HTR2C: variants seen among roughly 807,000 people sequenced by gnomAD.
HTR2C encodes 5-hydroxytryptamine receptor 2C.
Under a neutral mutation model 21.0 loss-of-function variants are expected in HTR2C, and 5 were observed. That is an observed-to-expected ratio of 0.24 (90% CI 0.12 to 0.50). The LOEUF is 0.50. Among genes scored for constraint, HTR2C ranks in the 20% least tolerant of loss-of-function variants. The pLI is 0.98. For missense variants in HTR2C, 271 were observed against 371.2 expected (o/e 0.73, Z 2.22); for synonymous variants, 150 against 145.3 (o/e 1.03, Z -0.23).
chrX:114,855,839 A>G (rs1285665345), intron 5 of HTR2C, among the ~76,000 whole-genome samples: 1 of 80,772 alleles, frequency 1.2e-5, no homozygotes, highest in Non-Finnish European at 2.2e-5. Context: ...AATCAGGTCT[A>G]AGTTTTCTTT....
chrX:114,841,896 T>C (rs782763732), intron 4 of HTR2C, among the ~76,000 whole-genome samples: 22 of 112,343 alleles, frequency 2.0e-4, no homozygotes, highest in Non-Finnish European at 3.6e-4. Flanking sequence ...CTGCCACTTA[T>C]TAATCTTTAC....
At chrX:114,665,367 C>G (rs781823924) in intron 2 of HTR2C, among the ~76,000 whole-genome samples, 27 of 111,817 alleles carry the variant, frequency 2.4e-4, no homozygotes, top group Non-Finnish European at 4.1e-4. Context: ...GTAGCTAAAT[C>G]CAAAACAATG....
chrX:114,809,529 G>A (rs1017186734), intron 4 of HTR2C, among the ~76,000 whole-genome samples: 25 of 109,303 alleles, frequency 2.3e-4, no homozygotes, highest in Non-Finnish European at 3.6e-4. Context: ...GCTTACAGGC[G>A]CCCGCCACCA....
chrX:114,907,394 C>T lies in HTR2C; in HGVS notation c.1356C>T (p.Ser452=). The T allele has an allele frequency of 8.3e-7, 1 of 1,201,352 alleles. No homozygotes were observed. Among genetic ancestry groups the T allele is most frequent in the East Asian group, 3.0e-5 (1 of 33,757 alleles). ...ELPVNPSSVV[S]ERISSV is the part of the protein sequence containing the mutation. ...CAGTAAATCCCTCCAGTGTGGTTAG[C>T]GAAAGGATTAGCAGTGTGTGAGAAA... is the stretch of plus-strand genomic sequence containing the variant. Residue 452 remains serine (S), a synonymous_variant, in exon 6 of 6, where the codon AGC becomes AGT. Coordinates refer to ENST00000276198, the MANE Select transcript of HTR2C (RefSeq NM_000868.4).
At chrX:114,727,058 A>G in intron 3 of HTR2C, 87 bp downstream of exon 3, 1 of 527,884 alleles carries the variant, frequency 1.9e-6, no homozygotes, top group Non-Finnish European at 2.9e-6. Context: ...CTTCTATATG[A>G]TCAGCTATAT....
At chrX:114,663,969 T>G (rs1203927716) in intron 2 of HTR2C, among the ~76,000 whole-genome samples, 1 of 111,581 alleles carries the variant, frequency 9.0e-6, no homozygotes, top group African/African-American at 3.3e-5. Context: ...CTAAATAGTT[T>G]AGTTTGTGAA....
intron 1 of HTR2C, among the ~76,000 whole-genome samples, chrX:114,586,320 GAAAT>G (rs781804040): frequency 4.5e-5 from 5 of 111,949 alleles, no homozygotes; most frequent in African/African-American, 6.5e-5. Flanking sequence ...CAGGTGGGGG[GAAAT>G]AAATAATTTT....
At chrX:114,796,586 A>T (rs1356875727) in intron 4 of HTR2C, among the ~76,000 whole-genome samples, 1 of 111,815 alleles carries the variant, frequency 8.9e-6, no homozygotes. Context: ...CAGAGGAGGC[A>T]AACTGCATTT....
At chrX:114,775,000 TC>T in intron 4 of HTR2C, 1 of 490,208 alleles carries the variant, frequency 2.0e-6, no homozygotes, top group African/African-American at 2.3e-5. Flanking sequence ...TTCAAATTCT[TC>T]CTTCTTAGCA....
chrX:114,827,968 T>C (rs1158902139), intron 4 of HTR2C, among the ~76,000 whole-genome samples: 1 of 110,725 alleles, frequency 9.0e-6, no homozygotes, highest in Non-Finnish European at 1.9e-5. Context: ...ACAGAACTTC[T>C]TAAATCTGTA....
intron 4 of HTR2C, among the ~76,000 whole-genome samples, chrX:114,769,573 T>C (rs1556436471): frequency 9.0e-6 from 1 of 111,070 alleles, no homozygotes; most frequent in Non-Finnish European, 1.9e-5. Context: ...TTAATTACAG[T>C]AGAATTTCAT....
intron 4 of HTR2C, among the ~76,000 whole-genome samples, chrX:114,760,993 T>G (rs927937568): frequency 8.9e-6 from 1 of 111,816 alleles, no homozygotes; most frequent in African/African-American, 3.2e-5. Flanking sequence ...GAAGTAGATT[T>G]TAGGTTACTT....
intron 5 of HTR2C, among the ~76,000 whole-genome samples, chrX:114,903,548 G>C (rs781855389): frequency 6.2e-5 from 7 of 112,224 alleles, no homozygotes; most frequent in Non-Finnish European, 1.3e-4. Flanking sequence ...CCCAATAACA[G>C]CTTCAGCTTA....
chrX:114,811,468 T>C (rs1040366257), intron 4 of HTR2C, among the ~76,000 whole-genome samples: 3 of 112,407 alleles, frequency 2.7e-5, no homozygotes, highest in South Asian at 3.7e-4. Flanking sequence ...ATGTCACATA[T>C]GTGGAATATT....
At chrX:114,651,684 A>ATTT in intron 2 of HTR2C, 1 of 124,409 alleles carries the variant, frequency 8.0e-6, no homozygotes, top group Non-Finnish European at 1.9e-5. Flanking sequence ...CTTCATGTAG[A>ATTT]TTTTTTTAAC....
rs200144811 is a variant in HTR2C, at chrX:114,584,394, T to C, written c.-412T>C. The stretch of plus-strand genomic sequence containing the variant: ...TGCTGGAGGTGGTCAGTTACTAAGC[T>C]AGAGTAAGATAGCGGAGCGAAAAGA... On this transcript the variant is annotated 5_prime_UTR_variant, in exon 1 of 6. Transcript: ENST00000276198. The C allele has an allele frequency of 8.9e-6, 1 of 112,783 alleles. No homozygotes were observed. Among genetic ancestry groups the C allele is most frequent in the African/African-American group, 3.2e-5 (1 of 30,971 alleles). 9.3% of individuals were successfully genotyped at this position (112,783 alleles called of 1,213,427 possible).
chrX:114,842,941 A>G (rs1471054872), intron 4 of HTR2C, among the ~76,000 whole-genome samples: 1 of 112,056 alleles, frequency 8.9e-6, no homozygotes, highest in Non-Finnish European at 1.9e-5. Context: ...TTGAAAAATC[A>G]CTAAACAGTC....
chrX:114,601,403 T>C (rs1434477933), intron 1 of HTR2C, among the ~76,000 whole-genome samples: 1 of 108,351 alleles, frequency 9.2e-6, no homozygotes, highest in Non-Finnish European at 1.9e-5. Flanking sequence ...GGGGCTGTTT[T>C]ATAGGATTTG....
At chrX:114,851,817 G>A (rs782077431) in intron 5 of HTR2C, among the ~76,000 whole-genome samples, 46 of 111,239 alleles carry the variant, frequency 4.1e-4, no homozygotes, top group Non-Finnish European at 6.8e-4. Flanking sequence ...CTTTTAGTGG[G>A]CAATGGTTTT....
Sources: gnomAD v4.1 joint callset for allele counts (sites outside exome capture counted in the v4.1 genomes callset) on GRCh38, gnomAD v4.1.1 for gene constraint, MANE v1.5 for transcripts, NCBI Gene and HGNC (gene_info 2026-07-23, HGNC 2026-07-21) for gene names.